PREX2: variants seen among roughly 807,000 people sequenced by gnomAD.
The protein encoded by PREX2 is phosphatidylinositol 3,4,5-trisphosphate-dependent Rac exchanger 2 protein.
A neutral mutation model predicts 203.2 loss-of-function variants in PREX2; 107 were observed. That is an observed-to-expected ratio of 0.53 (90% CI 0.45 to 0.62). The LOEUF is 0.62. PREX2 is among the 20% of genes least tolerant of loss of function. PREX2 has a pLI of 0.00. For synonymous variants in PREX2, 672 were observed against 663.6 expected (o/e 1.01, Z -0.19); for missense variants, 1,777 against 1,955.9 (o/e 0.91, Z 1.72).
chr8:68,184,462 C>T (rs972261420), intron 35 of PREX2, among the ~76,000 whole-genome samples: 8 of 152,126 alleles, frequency 5.3e-5, no homozygotes, highest in African/African-American at 1.7e-4. Flanking sequence ...AACACTTGAT[C>T]AAATCCAAAA....
intron 30 of PREX2, among the ~76,000 whole-genome samples, chr8:68,123,433 A>G (rs1810819073): frequency 6.6e-6 from 1 of 152,066 alleles, no homozygotes; most frequent in Admixed American, 6.6e-5. Context: ...CATTTAAAAG[A>G]TCAATGAATC....
Position 68,134,205 on chromosome 8 carries a change from A to C in PREX2, c.3913A>C (p.Arg1305=), listed in dbSNP as rs1303256134. The change falls in exon 32 of 40, where the codon AGG becomes CGG. Residue 1305 remains arginine (R), a synonymous_variant. Coordinates refer to ENST00000288368, the MANE Select transcript of PREX2 (RefSeq NM_024870.4). ...ENEMETWEAS[R]RWLDQIANAG... ...TGAGATGGAAACTTGGGAAGCCAGC[A>C]GGAGGTGGCTGGACCAGATAGCGAA... 1.2e-6 allele frequency: 2 copies of C among 1,614,040 alleles called. No homozygotes were observed. The highest frequency in any genetic ancestry group is 1.7e-6 in the Non-Finnish European group (2 of 1,179,998).
intron 25 of PREX2, among the ~76,000 whole-genome samples, chr8:68,113,573 T>C (rs1810578437): frequency 6.6e-6 from 1 of 152,206 alleles, no homozygotes; most frequent in African/African-American, 2.4e-5. Flanking sequence ...TTAAAAATGT[T>C]CACAGGGCCT....
intron 31 of PREX2, among the ~76,000 whole-genome samples, 194 bp downstream of exon 31, chr8:68,127,613 C>T (rs1008344038): frequency 6.8e-6 from 1 of 147,642 alleles, no homozygotes; most frequent in African/African-American, 2.5e-5. Context: ...TATATATATA[C>T]ATATATATAT....
intron 8 of PREX2, among the ~76,000 whole-genome samples, chr8:68,051,041 G>T (rs1808513942): frequency 6.6e-6 from 1 of 152,128 alleles, no homozygotes; most frequent in African/African-American, 2.4e-5. Flanking sequence ...CCAATGGGTG[G>T]CTTTTGAGCT....
At chr8:68,211,034 C>T (rs187916466) in intron 37 of PREX2, among the ~76,000 whole-genome samples, 8 of 152,124 alleles carry the variant, frequency 5.3e-5, no homozygotes, top group African/African-American at 1.2e-4. Context: ...GAGGAGGGGA[C>T]GAGAGACACA....
intron 1 of PREX2, 173 bp downstream of exon 1, chr8:67,952,708 C>A (rs1479860649): frequency 2.3e-6 from 2 of 882,132 alleles, no homozygotes; most frequent in East Asian, 5.5e-5. Flanking sequence ...CGGTGACCCC[C>A]GCGGGGATTT....
At chr8:67,962,608 T>A (rs1317146921) in intron 1 of PREX2, among the ~76,000 whole-genome samples, 7 of 149,754 alleles carry the variant, frequency 4.7e-5, no homozygotes, top group Admixed American at 3.3e-4. Context: ...ATATTTTATT[T>A]TTTTTTTTAT....
Position 68,077,395 on chromosome 8 carries a change from A to G in PREX2, c.1570-2A>G, listed in dbSNP as rs1809382974. The stretch of plus-strand genomic sequence containing the variant: ...CTCCCACAGTGCTTTTTTGGTTAAC[A>G]GGGAGATTGCCGCACCAGAGAAGAG... On this transcript the variant is annotated splice_acceptor_variant, in intron 14 of 39. Transcript: ENST00000288368. LOFTEE classifies it high-confidence loss of function. 1 of 1,612,822 alleles carries G rather than the reference A, an allele frequency of 6.2e-7. No homozygotes were observed. The highest frequency in any genetic ancestry group is 1.7e-5 in the Admixed American group (1 of 60,000).
At chr8:68,195,934 A>T (rs1180247550) in intron 37 of PREX2, among the ~76,000 whole-genome samples, 1 of 152,214 alleles carries the variant, frequency 6.6e-6, no homozygotes, top group Non-Finnish European at 1.5e-5. Flanking sequence ...AGGCAGATTT[A>T]ATTAACATTA....
intron 37 of PREX2, among the ~76,000 whole-genome samples, chr8:68,216,008 CAT>C (rs1484748319): frequency 6.6e-6 from 1 of 152,172 alleles, no homozygotes; most frequent in Non-Finnish European, 1.5e-5. Flanking sequence ...GAAACTTGAA[CAT>C]GTGTTAATAA....
At position 67,960,006 on chromosome 8, in the gene PREX2, T is replaced by C. The variant is rs567137156; in HGVS notation, c.141+7471T>C. Among the ~76,000 whole-genome samples the C allele has an allele frequency of 2.0e-5, 3 of 152,140 alleles. No homozygotes were observed. The South Asian group carries it at 6.2e-4, about 32-fold the overall frequency. Reference sequence around the variant, plus strand: ...CTTCTGTAGGTAAAGTCCTGATAGGTAGGAAGTGTTTCTTCCTTTTCTTTT... The same window carrying C: ...CTTCTGTAGGTAAAGTCCTGATAGGCAGGAAGTGTTTCTTCCTTTTCTTTT... On this transcript the variant is annotated intron_variant, in intron 1 of 39. Transcript: ENST00000288368.
Position 68,120,902 on chromosome 8 carries a change from A to T in PREX2, c.3596-19A>T. The T allele has an allele frequency of 6.2e-7, 1 of 1,608,084 alleles. No homozygotes were observed. The highest frequency in any genetic ancestry group is 8.5e-7 in the Non-Finnish European group (1 of 1,177,364). ...AGGAATTATTTGAGACTTAAGAGAG[A>T]TTTTCTGTGTTTATTTAGAATTTCA... On this transcript the variant is annotated intron_variant, in intron 29 of 39. Coordinates refer to ENST00000288368, the MANE Select transcript of PREX2 (RefSeq NM_024870.4).
At chr8:67,957,321 C>T (rs536597229) in intron 1 of PREX2, among the ~76,000 whole-genome samples, 28 of 152,198 alleles carry the variant, frequency 1.8e-4, no homozygotes, top group Non-Finnish European at 3.4e-4. Context: ...GTTAGTATGG[C>T]GCCTTGGAGT....
chr8:68,012,894 T>A (rs917106580), intron 1 of PREX2, among the ~76,000 whole-genome samples: 1 of 152,210 alleles, frequency 6.6e-6, no homozygotes, highest in South Asian at 2.1e-4. Flanking sequence ...CAGCTCCAAA[T>A]GTCAATAATG....
chr8:68,231,475 T>C lies in PREX2; in HGVS notation c.*97T>C. 1.3e-6 allele frequency: 1 copy of C among 751,650 alleles called. No individual in the cohort carries two copies. Among genetic ancestry groups the C allele is most frequent in the Non-Finnish European group, 1.9e-6 (1 of 527,640 alleles). The allele number at this position is 751,650 out of a possible 1,614,324, so 46.6% of individuals were successfully genotyped here. A position where few individuals can be genotyped will look rare whatever the true frequency, so the allele number is the denominator to read the frequency against. On this transcript the variant is annotated 3_prime_UTR_variant, in exon 40 of 40. Transcript: ENST00000288368. Reference sequence around the variant, plus strand: ...ACATTCTCCACTGAAGATACATCAATGCTTTTTTTTTTTTTTTTTTCTGTA... The same window carrying C: ...ACATTCTCCACTGAAGATACATCAACGCTTTTTTTTTTTTTTTTTTCTGTA...
chr8:67,997,552 TC>T (rs1309880153), intron 1 of PREX2, among the ~76,000 whole-genome samples: 1 of 152,224 alleles, frequency 6.6e-6, no homozygotes, highest in African/African-American at 2.4e-5. Flanking sequence ...ATATAAGTTG[TC>T]TAACTTTCCT....
chr8:68,160,570 G>A (rs925047010), intron 35 of PREX2, among the ~76,000 whole-genome samples: 1 of 152,026 alleles, frequency 6.6e-6, no homozygotes, highest in Admixed American at 6.6e-5. Context: ...TACCAAATAA[G>A]CCTAATATGT....
intron 8 of PREX2, among the ~76,000 whole-genome samples, chr8:68,045,663 T>G (rs1010388359): frequency 6.6e-6 from 1 of 152,136 alleles, no homozygotes; most frequent in Non-Finnish European, 1.5e-5. Flanking sequence ...GGAGCCATGC[T>G]ATTGTGTTCA....
Sources: gnomAD v4.1 joint callset for allele counts (sites outside exome capture counted in the v4.1 genomes callset) on GRCh38, gnomAD v4.1.1 for gene constraint, MANE v1.5 for transcripts, NCBI Gene and HGNC (gene_info 2026-07-23, HGNC 2026-07-21) for gene names.